Variants in CCDC91 observed in about 807,000 individuals in gnomAD.
The protein encoded by CCDC91 is coiled-coil domain-containing protein 91.
CCDC91 carries 48 observed loss-of-function variants against 63.2 expected under a neutral mutation model. The observed-to-expected ratio is 0.76, with a 90% CI of 0.60 to 0.97. CCDC91 has a LOEUF of 0.97. Among genes scored for constraint, CCDC91 ranks in the 50% least tolerant of loss-of-function variants. CCDC91 has a pLI of 0.00. For missense variants in CCDC91, 500 were observed against 494.6 expected (o/e 1.01, Z -0.10); for synonymous variants, 167 against 165.8 (o/e 1.01, Z -0.06).
chr12:28,349,362 G>A (rs1360504457), intron 6 of CCDC91, among the ~76,000 whole-genome samples: 1 of 152,154 alleles, frequency 6.6e-6, no homozygotes, highest in Admixed American at 6.6e-5. Context: ...AATGGGGCAT[G>A]ATGTAGAGCA....
At chr12:28,525,767 A>T (rs1262123207) in intron 12 of CCDC91, among the ~76,000 whole-genome samples, 1 of 152,080 alleles carries the variant, frequency 6.6e-6, no homozygotes, top group East Asian at 1.9e-4. Flanking sequence ...TAATTGTTTT[A>T]TAAATTTGGG....
intron 11 of CCDC91, among the ~76,000 whole-genome samples, chr12:28,457,864 G>A (rs1950124018): frequency 6.6e-6 from 1 of 151,950 alleles, no homozygotes; most frequent in Non-Finnish European, 1.5e-5. Context: ...GTTTGTTATT[G>A]ACACCAAAGT....
At chr12:28,450,295 C>T in intron 9 of CCDC91, 42 bp downstream of exon 9, 2 of 1,577,122 alleles carry the variant, frequency 1.3e-6, no homozygotes, top group South Asian at 2.2e-5. Flanking sequence ...AGAATGTGTT[C>T]TGTTACCTCA....
At chr12:28,325,806 G>A (rs1306208179) in intron 6 of CCDC91, among the ~76,000 whole-genome samples, 15 of 151,916 alleles carry the variant, frequency 9.9e-5, no homozygotes, top group Admixed American at 2.6e-4. Flanking sequence ...AGGGCAAGGG[G>A]GTGGGGAGGG....
At chr12:28,306,148 C>T (rs1019619878) in intron 4 of CCDC91, among the ~76,000 whole-genome samples, 14 of 151,864 alleles carry the variant, frequency 9.2e-5, no homozygotes, top group South Asian at 4.1e-4. Flanking sequence ...CGAATCTTAC[C>T]GCACATTTTC....
At chr12:28,237,834 G>A (rs1437888510) in intron 1 of CCDC91, among the ~76,000 whole-genome samples, 8 of 152,114 alleles carry the variant, frequency 5.3e-5, no homozygotes, top group East Asian at 1.9e-4. Flanking sequence ...AGGGATCCCC[G>A]TCTTAATTGA....
At chr12:28,313,710 A>G (rs1360648076) in intron 6 of CCDC91, among the ~76,000 whole-genome samples, 3 of 152,150 alleles carry the variant, frequency 2.0e-5, no homozygotes, top group South Asian at 4.1e-4. Flanking sequence ...TCTATAGTAC[A>G]ATGGGGGTGT....
At chr12:28,496,324 C>T (rs944505509) in intron 12 of CCDC91, among the ~76,000 whole-genome samples, 13 of 151,720 alleles carry the variant, frequency 8.6e-5, no homozygotes, top group African/African-American at 1.4e-4. Flanking sequence ...ATCATCGTCA[C>T]GAGCAAAATA....
At chr12:28,521,508 T>G (rs1303135078) in intron 12 of CCDC91, among the ~76,000 whole-genome samples, 2 of 152,160 alleles carry the variant, frequency 1.3e-5, no homozygotes, top group African/African-American at 2.4e-5. Flanking sequence ...TACAATCATG[T>G]CATCAGCAAA....
chr12:28,292,956 CTTCTGGCAAATGGTAT>C (rs1949339793), intron 3 of CCDC91, among the ~76,000 whole-genome samples: 1 of 152,080 alleles, frequency 6.6e-6, no homozygotes, highest in Non-Finnish European at 1.5e-5. Context: ...GCTGAGTCAG[CTTCTGGCAAATGGTAT>C]ATTTGTAATC....
chr12:28,301,456 C>A lies in CCDC91; in HGVS notation c.110-4193C>A, dbSNP rs1340342125. ...TATCATTTTAATATGGTGCTGGATT[C>A]ATTTTTTTAATATTTTATTTAGAAC... On this transcript the variant is annotated intron_variant, in intron 3 of 12. Transcript: ENST00000536442. Among the ~76,000 whole-genome samples the A allele has an allele frequency of 2.0e-5, 3 of 151,274 alleles. No individual in the cohort carries two copies. In the East Asian group the frequency reaches 5.8e-4, roughly 29 times the overall value.
Position 28,194,700 on chromosome 12 carries a change from C to T in CCDC91, c.-15+4059C>T, listed in dbSNP as rs113185795. On this transcript the variant is annotated intron_variant, in intron 1 of 12. Coordinates refer to ENST00000536442, the MANE Select transcript of CCDC91 (RefSeq NM_018318.5). ...TCAGGAGTGAAGCTGCAGACCTTTG[C>T]GGTGAGTGTTACAGCTCATAGAGGT... Among the ~76,000 whole-genome samples, 1,273 of 151,730 alleles carry T rather than the reference C, an allele frequency of 8.4e-3. 25 individuals are homozygous for T. The highest frequency in any genetic ancestry group is 0.028 in the African/African-American group (1,139 of 41,274).
chr12:28,375,153 G>A (rs745403256), intron 7 of CCDC91, among the ~76,000 whole-genome samples: 1 of 151,366 alleles, frequency 6.6e-6, no homozygotes, highest in African/African-American at 2.4e-5. Context: ...AACTATTTTA[G>A]TTTCTTCTTC....
intron 8 of CCDC91, among the ~76,000 whole-genome samples, chr12:28,441,396 G>A (rs142100687): frequency 1.3e-5 from 2 of 152,064 alleles, no homozygotes; most frequent in Admixed American, 6.6e-5. Flanking sequence ...ATCAAAGAAT[G>A]TCTGTGATTC....
intron 3 of CCDC91, among the ~76,000 whole-genome samples, chr12:28,281,530 A>T (rs1948608590): frequency 6.6e-6 from 1 of 152,170 alleles, no homozygotes; most frequent in Non-Finnish European, 1.5e-5. Flanking sequence ...TCACATACAA[A>T]ATACCTTCAC....
At chr12:28,288,674 T>C (rs749991192) in intron 3 of CCDC91, among the ~76,000 whole-genome samples, 3 of 152,198 alleles carry the variant, frequency 2.0e-5, no homozygotes, top group Admixed American at 2.0e-4. Context: ...AAGGTTTTAG[T>C]ATCAGGGTGA....
intron 12 of CCDC91, among the ~76,000 whole-genome samples, chr12:28,503,869 G>A (rs1226338585): frequency 6.6e-6 from 1 of 151,988 alleles, no homozygotes. Flanking sequence ...CTCACTCATA[G>A]GTAGGAATTG....
chr12:28,228,374 T>A (rs1944400945), intron 1 of CCDC91, among the ~76,000 whole-genome samples: 1 of 152,136 alleles, frequency 6.6e-6, no homozygotes, highest in Non-Finnish European at 1.5e-5. Context: ...CGTTTGCAAG[T>A]CTGTCTTTCT....
Position 28,252,193 on chromosome 12 carries a change from C to G in CCDC91, c.-14-5009C>G, listed in dbSNP as rs1445814489. 3.3e-5 allele frequency among the ~76,000 whole-genome samples: 5 copies of G among 152,094 alleles called. No homozygotes were observed. The East Asian group carries it at 9.6e-4, about 29-fold the overall frequency. Reference sequence around the variant, plus strand: ...TGGTCCTTTGAATGAAGCCTATTTTCTCTCTGGAAGCTTGTAGGATCTTCC... The same window carrying G: ...TGGTCCTTTGAATGAAGCCTATTTTGTCTCTGGAAGCTTGTAGGATCTTCC... On this transcript the variant is annotated intron_variant, in intron 1 of 12. Coordinates refer to ENST00000536442, the MANE Select transcript of CCDC91 (RefSeq NM_018318.5).
Sources: allele counts gnomAD v4.1 joint callset (sites outside exome capture counted in the v4.1 genomes callset), GRCh38; gene constraint gnomAD v4.1.1; transcripts MANE v1.5; gene names NCBI Gene and HGNC (gene_info 2026-07-23, HGNC 2026-07-21).